ADAMTSL1: variants seen among roughly 807,000 people sequenced by gnomAD.
The protein encoded by ADAMTSL1 is ADAMTS like 1, also known as ADAMTS-like protein 1.
A neutral mutation model predicts 201.8 loss-of-function variants in ADAMTSL1; 126 were observed. The observed-to-expected ratio is 0.62, with a 90% CI of 0.54 to 0.72. The LOEUF (loss-of-function observed/expected upper bound fraction) is 0.72, where lower values mean the gene tolerates loss of function less well. ADAMTSL1 is among the 30% of genes least tolerant of loss of function. ADAMTSL1 has a pLI of 0.00. For missense variants in ADAMTSL1, 2,679 were observed against 2,277.8 expected (o/e 1.18, Z -3.59); for synonymous variants, 1,121 against 903.4 (o/e 1.24, Z -4.32).
chr9:18,465,463 C>G (rs914012026), intron 2 of ADAMTSL1, among the ~76,000 whole-genome samples: 1 of 152,112 alleles, frequency 6.6e-6, no homozygotes, highest in African/African-American at 2.4e-5. Flanking sequence ...CTTCGTGGTT[C>G]TAGATGGCTG....
At chr9:18,707,931 C>A (rs963364956) in intron 14 of ADAMTSL1, among the ~76,000 whole-genome samples, 3 of 152,146 alleles carry the variant, frequency 2.0e-5, no homozygotes, top group Admixed American at 2.0e-4. Flanking sequence ...AACTTTCTTC[C>A]CACACTAAAA....
intron 2 of ADAMTSL1, among the ~76,000 whole-genome samples, chr9:18,371,951 C>A (rs1837061237): frequency 6.6e-6 from 1 of 152,116 alleles, no homozygotes; most frequent in Non-Finnish European, 1.5e-5. Flanking sequence ...GGATAATGTT[C>A]CAGGTAATTC....
At position 18,847,964 on chromosome 9, in the gene ADAMTSL1, C is replaced by T. The variant is rs142074564; in HGVS notation, c.4249+17987C>T. 6.1e-3 allele frequency among the ~76,000 whole-genome samples: 932 copies of T among 152,318 alleles called. 10 individuals carry two copies. Among genetic ancestry groups the T allele is most frequent in the African/African-American group, 0.021 (884 of 41,570 alleles). ...GGGCTTTTCCAGCATTAGACAGGGG[C>T]AGGCAGAAGTGATTTAGTTTATTGG... is the stretch of plus-strand genomic sequence containing the variant. On this transcript the variant is annotated intron_variant, in intron 23 of 28. Transcript: ENST00000380548.
chr9:18,364,639 C>G (rs964714261), intron 2 of ADAMTSL1, among the ~76,000 whole-genome samples: 1 of 135,918 alleles, frequency 7.4e-6, no homozygotes, highest in Non-Finnish European at 1.6e-5. Flanking sequence ...TGTATTAGGT[C>G]ATTCTTGTAC....
intron 1 of ADAMTSL1, among the ~76,000 whole-genome samples, chr9:18,056,722 C>G (rs1347076002): frequency 1.3e-5 from 2 of 152,186 alleles, no homozygotes; most frequent in African/African-American, 2.4e-5. Flanking sequence ...CTCTCAGACC[C>G]TTCAGGTAGA....
intron 2 of ADAMTSL1, among the ~76,000 whole-genome samples, chr9:18,366,843 G>A (rs2133106207): frequency 6.6e-6 from 1 of 151,894 alleles, no homozygotes. Flanking sequence ...CCTGACCTCA[G>A]GTAATCCACC....
chr9:18,136,153 A>T (rs993616385), intron 1 of ADAMTSL1, among the ~76,000 whole-genome samples: 1 of 152,204 alleles, frequency 6.6e-6, no homozygotes. Context: ...AGTAAGTTGC[A>T]TAGTGGTTCC....
At chr9:18,210,443 A>G (rs1244898205) in intron 2 of ADAMTSL1, among the ~76,000 whole-genome samples, 1 of 146,914 alleles carries the variant, frequency 6.8e-6, no homozygotes, top group Non-Finnish European at 1.5e-5. Context: ...ATTATGTATG[A>G]TATATTAATA....
chr9:18,651,992 C>T (rs1319925107), intron 7 of ADAMTSL1, among the ~76,000 whole-genome samples: 1 of 151,868 alleles, frequency 6.6e-6, no homozygotes, highest in Non-Finnish European at 1.5e-5. Context: ...TCTTCCCTCT[C>T]CTAGCTTATA....
intron 26 of ADAMTSL1, among the ~76,000 whole-genome samples, chr9:18,904,290 G>A (rs779972887): frequency 1.2e-4 from 19 of 152,136 alleles, no homozygotes; most frequent in African/African-American, 2.2e-4. Flanking sequence ...CCAACATGGC[G>A]AAATCCTATC....
chr9:18,481,294 C>G (rs1338733289), intron 1 of ADAMTSL1, among the ~76,000 whole-genome samples: 1 of 152,140 alleles, frequency 6.6e-6, no homozygotes, highest in Non-Finnish European at 1.5e-5. Flanking sequence ...TCTGTAATCC[C>G]AGCACTCTGG....
chr9:18,271,012 T>C (rs1403014225), intron 2 of ADAMTSL1, among the ~76,000 whole-genome samples: 1 of 152,150 alleles, frequency 6.6e-6, no homozygotes, highest in African/African-American at 2.4e-5. Context: ...GTTGGAAGGC[T>C]ACCCAACTGG....
intron 2 of ADAMTSL1, among the ~76,000 whole-genome samples, chr9:18,210,293 CTCAT>C (rs1368409089): frequency 6.7e-5 from 10 of 150,106 alleles, no homozygotes; most frequent in Admixed American, 1.3e-4. Flanking sequence ...AAAATTTTAA[CTCAT>C]TCATTAAAAT....
intron 4 of ADAMTSL1, among the ~76,000 whole-genome samples, chr9:18,603,341 ATATGC>A (rs5896789): frequency 0.14 from 16,628 of 118,298 alleles, 181 homozygotes; most frequent in East Asian, 0.18. Flanking sequence ...CTCCAAAGCT[ATATGC>A]TATGCTATGC....
rs966587902 is a variant in ADAMTSL1 at position 18,399,731 on chromosome 9, A to G, written c.208-105098A>G. Reference sequence around the variant, plus strand: ...AAAATAATGCATTTTATTATCAAAGACTATAGGAAAACATAAAAAAGAAAA... The same window carrying G: ...AAAATAATGCATTTTATTATCAAAGGCTATAGGAAAACATAAAAAAGAAAA... On this transcript the variant is annotated intron_variant, in intron 2 of 29. Coordinates refer to the ADAMTSL1 transcript ENST00000680146. Among the ~76,000 whole-genome samples, 5 of 152,168 alleles carry G rather than the reference A, an allele frequency of 3.3e-5. No individual in the cohort carries two copies. The East Asian group carries it at 5.8e-4, about 18-fold the overall frequency.
At chr9:18,173,336 A>G (rs1827990636) in intron 2 of ADAMTSL1, among the ~76,000 whole-genome samples, 1 of 152,158 alleles carries the variant, frequency 6.6e-6, no homozygotes, top group South Asian at 2.1e-4. Context: ...GCAATAGTCA[A>G]AAGTATGACA....
chr9:17,987,172 T>G (rs1314200328), intron 1 of ADAMTSL1, among the ~76,000 whole-genome samples: 1 of 152,068 alleles, frequency 6.6e-6, no homozygotes, highest in Non-Finnish European at 1.5e-5. Context: ...TGTTTTACAT[T>G]TAGGAATCTA....
At chr9:18,718,527 T>C in intron 14 of ADAMTSL1, 2 of 529,296 alleles carry the variant, frequency 3.8e-6, no homozygotes, top group East Asian at 1.0e-4. Flanking sequence ...TACTCATGCA[T>C]GATGCAAACT....
At chr9:17,969,781 TA>T (rs1563925075) in intron 1 of ADAMTSL1, among the ~76,000 whole-genome samples, 2 of 152,084 alleles carry the variant, frequency 1.3e-5, no homozygotes, top group Admixed American at 6.6e-5. Flanking sequence ...CTAAAATTTA[TA>T]AAATATTATT....
Sources: allele counts gnomAD v4.1 joint callset (sites outside exome capture counted in the v4.1 genomes callset), GRCh38; gene constraint gnomAD v4.1.1; transcripts MANE v1.5; gene names NCBI Gene and HGNC (gene_info 2026-07-23, HGNC 2026-07-21).